The following SETBP1 variants were observed in gnomAD, a reference collection of about 807,000 sequenced individuals.
The protein encoded by SETBP1 is SET-binding protein.
SETBP1 carries 9 observed loss-of-function variants against 101.0 expected under a neutral mutation model. That is an observed-to-expected ratio of 0.09 (90% CI 0.05 to 0.16). The LOEUF is 0.16. SETBP1 is among the 10% of genes least tolerant of loss of function. SETBP1 has a pLI of 1.00. For missense variants in SETBP1, 1,858 were observed against 2,033.8 expected, an observed-to-expected ratio of 0.91 and a Z score of 1.66; for synonymous variants, 818 against 788.5, an observed-to-expected ratio of 1.04 and a Z score of -0.63.
rs1460399238 is a variant in SETBP1 at position 44,803,935 on chromosome 18, G to A, written c.487-65295G>A. On this transcript the variant is annotated intron_variant, in intron 2 of 5. Transcript: ENST00000649279. ...TGGTCTGTTGCAAAATGACAGAGAA[G>A]TATGAGGTAAACTAGCATATTATTG... is the stretch of plus-strand genomic sequence containing the variant. 3.3e-5 allele frequency among the ~76,000 whole-genome samples: 5 copies of A among 152,154 alleles called. No homozygotes were observed. In the East Asian group the frequency reaches 7.7e-4, roughly 23 times the overall value.
rs182751197 is a variant in SETBP1, at chr18:44,821,186, G to A, written c.487-48044G>A. On this transcript the variant is annotated intron_variant, in intron 2 of 5. Coordinates refer to ENST00000649279, the MANE Select transcript of SETBP1 (RefSeq NM_015559.3). ...CTTTGTGCCACTGTTGTTTTCATAC[G>A]TGAAATCAGGACGTTAACTCCTTCT... is the stretch of plus-strand genomic sequence containing the variant. Among the ~76,000 whole-genome samples the A allele has an allele frequency of 1.0e-3, 158 of 152,302 alleles. 1 individual carries two copies. Among genetic ancestry groups the A allele is most frequent in the African/African-American group, 3.0e-3 (126 of 41,558 alleles).
intron 4 of SETBP1, among the ~76,000 whole-genome samples, chr18:44,993,735 A>G (rs2072431186): frequency 6.6e-6 from 1 of 152,096 alleles, no homozygotes; most frequent in South Asian, 2.1e-4. Context: ...TTCAACAAGC[A>G]GATTTGGAAC....
intron 4 of SETBP1, among the ~76,000 whole-genome samples, chr18:44,989,651 C>T (rs1409290259): frequency 6.6e-6 from 1 of 151,314 alleles, no homozygotes; most frequent in East Asian, 1.9e-4. Flanking sequence ...GGGCGGATCA[C>T]GAGGTCAGGA....
At chr18:44,938,943 C>T (rs1469752131) in intron 3 of SETBP1, among the ~76,000 whole-genome samples, 4 of 142,894 alleles carry the variant, frequency 2.8e-5, no homozygotes, top group African/African-American at 1.0e-4. Flanking sequence ...TGCTGCTTGG[C>T]TTTGGAGTGT....
chr18:44,862,596 G>T (rs1318067692), intron 2 of SETBP1, among the ~76,000 whole-genome samples: 1 of 152,186 alleles, frequency 6.6e-6, no homozygotes, highest in Non-Finnish European at 1.5e-5. Context: ...CTAGGGTGTG[G>T]ATTTGACTTC....
intron 5 of SETBP1, among the ~76,000 whole-genome samples, chr18:45,051,727 T>A (rs2073725066): frequency 6.6e-6 from 1 of 152,228 alleles, no homozygotes; most frequent in South Asian, 2.1e-4. Flanking sequence ...TGTCCTTAAA[T>A]GTTCAAGCTG....
chr18:44,879,947 C>T (rs1306167885), intron 3 of SETBP1, among the ~76,000 whole-genome samples: 1 of 152,192 alleles, frequency 6.6e-6, no homozygotes, highest in African/African-American at 2.4e-5. Flanking sequence ...ATCAGTAGTT[C>T]ATTCAACCAC....
intron 2 of SETBP1, among the ~76,000 whole-genome samples, chr18:44,771,953 A>G (rs2070884257): frequency 6.6e-6 from 1 of 152,242 alleles, no homozygotes; most frequent in Non-Finnish European, 1.5e-5. Context: ...GATTCCAGGA[A>G]GAGAGTTAAT....
chr18:44,740,403 G>A (rs1466214486), intron 2 of SETBP1, among the ~76,000 whole-genome samples: 1 of 152,190 alleles, frequency 6.6e-6, no homozygotes, highest in Non-Finnish European at 1.5e-5. Context: ...CTTGTGATCA[G>A]TTATTTCCTT....
intron 4 of SETBP1, among the ~76,000 whole-genome samples, chr18:45,030,715 C>G (rs1263963877): frequency 6.7e-6 from 1 of 148,566 alleles, no homozygotes; most frequent in Non-Finnish European, 1.5e-5. Context: ...TTCAGAGATT[C>G]AGCTTCCTCC....
chr18:44,984,055 G>A (rs2072174357), intron 4 of SETBP1, among the ~76,000 whole-genome samples: 1 of 152,064 alleles, frequency 6.6e-6, no homozygotes, highest in Non-Finnish European at 1.5e-5. Context: ...ACAAAAATTA[G>A]CCGGGCGTGG....
rs1599086587 is a variant in SETBP1, at chr18:44,759,709, A to AG, written c.486+57877_486+57878insG. Among the ~76,000 whole-genome samples, 8 of 152,372 alleles carry AG rather than the reference A, an allele frequency of 5.3e-5. No homozygotes were observed. In the East Asian group the frequency reaches 1.5e-3, roughly 29 times the overall value. On this transcript the variant is annotated intron_variant, in intron 2 of 5. Transcript: ENST00000649279. The stretch of plus-strand genomic sequence containing the variant: ...AGAAAGGCAATTTGATTGAAGAACT[A>AG]ATCTAGCACATTTTATGATGTTAGG...
intron 2 of SETBP1, among the ~76,000 whole-genome samples, chr18:44,740,124 G>T (rs2070063736): frequency 6.6e-6 from 1 of 152,136 alleles, no homozygotes; most frequent in South Asian, 2.1e-4. Flanking sequence ...AGGTGCTAAG[G>T]TTTGGGTTAT....
intron 2 of SETBP1, among the ~76,000 whole-genome samples, chr18:44,813,933 C>G (rs1055803122): frequency 2.6e-5 from 4 of 152,126 alleles, no homozygotes; most frequent in Non-Finnish European, 5.9e-5. Flanking sequence ...GCCCTGTCTG[C>G]CAGGTTGAAT....
intron 4 of SETBP1, among the ~76,000 whole-genome samples, chr18:45,018,385 C>T (rs2072992940): frequency 6.6e-6 from 1 of 152,098 alleles, no homozygotes. Flanking sequence ...TTGAGCTGTT[C>T]TTGTCTGTGC....
chr18:44,999,406 C>T (rs1389236048), intron 4 of SETBP1, among the ~76,000 whole-genome samples: 1 of 152,198 alleles, frequency 6.6e-6, no homozygotes, highest in Non-Finnish European at 1.5e-5. Flanking sequence ...ATTTTAATCA[C>T]TCCTGTTTTG....
intron 2 of SETBP1, among the ~76,000 whole-genome samples, chr18:44,820,344 A>T (rs76996336): frequency 6.6e-6 from 1 of 152,166 alleles, no homozygotes; most frequent in African/African-American, 2.4e-5. Flanking sequence ...TGAAGACATC[A>T]TCTGTTTCCT....
At chr18:44,739,572 T>C (rs941079440) in intron 2 of SETBP1, among the ~76,000 whole-genome samples, 2 of 152,236 alleles carry the variant, frequency 1.3e-5, no homozygotes, top group African/African-American at 2.4e-5. Context: ...TGACTAAATA[T>C]TTTCATTCAT....
chr18:44,839,043 T>C (rs2072556966), intron 2 of SETBP1, among the ~76,000 whole-genome samples: 1 of 151,772 alleles, frequency 6.6e-6, no homozygotes, highest in South Asian at 2.1e-4. Flanking sequence ...TGATGTGACT[T>C]CTCAGCAATG....
Sources: gnomAD v4.1 joint callset for allele counts (sites outside exome capture counted in the v4.1 genomes callset) on GRCh38, gnomAD v4.1.1 for gene constraint, MANE v1.5 for transcripts, NCBI Gene and HGNC (gene_info 2026-07-23, HGNC 2026-07-21) for gene names.